The following KCNK2 variants were observed in gnomAD, a reference collection of about 807,000 sequenced individuals.
KCNK2 encodes potassium channel subfamily K member 2.
Under a neutral mutation model 40.5 loss-of-function variants are expected in KCNK2, and 21 were observed. The observed-to-expected ratio is 0.52, with a 90% CI of 0.37 to 0.75. The LOEUF (loss-of-function observed/expected upper bound fraction) is 0.75, where lower values mean the gene tolerates loss of function less well. Among genes scored for constraint, KCNK2 ranks in the 30% least tolerant of loss-of-function variants. The probability of loss-of-function intolerance (pLI) is 0.00; values close to 1 mark genes in which losing one functional copy is unlikely to be tolerated. For synonymous variants in KCNK2, 191 were observed against 202.2 expected, an observed-to-expected ratio of 0.94 and a Z score of 0.47; for missense variants, 399 against 531.6, an observed-to-expected ratio of 0.75 and a Z score of 2.45.
intron 3 of KCNK2, 47 bp downstream of exon 3, chr1:215,124,797 G>A: frequency 9.0e-7 from 1 of 1,111,156 alleles, no homozygotes; most frequent in Non-Finnish European, 1.4e-6. Flanking sequence ...CCGTTTGTGA[G>A]CTAAAATCCA....
chr1:215,034,351 A>AT (rs35287643), intron 1 of KCNK2, among the ~76,000 whole-genome samples: 9,045 of 147,232 alleles, frequency 0.061, 594 homozygotes, highest in African/African-American at 0.17. Context: ...TGTTGTTTTC[A>AT]TTTTTTTTTT....
chr1:215,108,639 G>A (rs1290452080), intron 2 of KCNK2, among the ~76,000 whole-genome samples: 1 of 147,426 alleles, frequency 6.8e-6, no homozygotes, highest in Non-Finnish European at 1.5e-5. Flanking sequence ...AAGTTTTATA[G>A]TTTCAGGCCT....
At chr1:215,181,920 T>C (rs1571703088) in intron 5 of KCNK2, among the ~76,000 whole-genome samples, 1 of 152,290 alleles carries the variant, frequency 6.6e-6, no homozygotes, top group East Asian at 1.9e-4. Flanking sequence ...TGATGGCAGG[T>C]ACAGGCACTA....
At chr1:215,181,875 AG>A (rs1389500163) in intron 5 of KCNK2, among the ~76,000 whole-genome samples, 5 of 152,192 alleles carry the variant, frequency 3.3e-5, no homozygotes, top group Admixed American at 3.3e-4. Context: ...CACGATAGGC[AG>A]GGCTGGGCTT....
At chr1:215,164,223 T>G (rs1172759195) in intron 3 of KCNK2, among the ~76,000 whole-genome samples, 2 of 152,230 alleles carry the variant, frequency 1.3e-5, no homozygotes, top group Non-Finnish European at 2.9e-5. Context: ...GTTTATAGTA[T>G]TCTCTGATGG....
chr1:215,007,063 GTGTGTGTGTATATATATA>G (rs1406489918), intron 1 of KCNK2, among the ~76,000 whole-genome samples: 3 of 127,888 alleles, frequency 2.3e-5, no homozygotes, highest in African/African-American at 3.2e-5. Flanking sequence ...ATATATATGT[GTGTGTGTGTATATATATA>G]TGTGTGTATA....
intron 1 of KCNK2, among the ~76,000 whole-genome samples, chr1:215,017,094 G>A (rs1159074757): frequency 1.3e-5 from 2 of 152,186 alleles, no homozygotes; most frequent in Non-Finnish European, 1.5e-5. Flanking sequence ...AAAATAACAA[G>A]TGTTGGTGAA....
chr1:215,180,006 T>A (rs1024036263), intron 5 of KCNK2, among the ~76,000 whole-genome samples: 2 of 152,108 alleles, frequency 1.3e-5, no homozygotes, highest in African/African-American at 2.4e-5. Flanking sequence ...TTTTCATAGA[T>A]CTGGAAGAGC....
At chr1:215,026,848 A>G (rs1285286500) in intron 1 of KCNK2, among the ~76,000 whole-genome samples, 1 of 152,042 alleles carries the variant, frequency 6.6e-6, no homozygotes, top group Non-Finnish European at 1.5e-5. Flanking sequence ...ACAAACATAT[A>G]CATACGTCCT....
chr1:215,209,339 TAA>T (rs1491204252), intron 6 of KCNK2, among the ~76,000 whole-genome samples: 3 of 91,728 alleles, frequency 3.3e-5, no homozygotes, highest in African/African-American at 8.8e-5. Flanking sequence ...TTTATATATA[TAA>T]TATATATATT....
At chr1:215,168,894 G>T (rs1213276780) in intron 3 of KCNK2, among the ~76,000 whole-genome samples, 1 of 151,988 alleles carries the variant, frequency 6.6e-6, no homozygotes, top group Admixed American at 6.6e-5. Context: ...AATATTTAAT[G>T]AAAATATGAT....
intron 1 of KCNK2, among the ~76,000 whole-genome samples, chr1:215,032,250 A>G (rs908311826): frequency 6.6e-6 from 1 of 151,948 alleles, no homozygotes; most frequent in Non-Finnish European, 1.5e-5. Context: ...TCTACAAAAA[A>G]TGTTTTAAAA....
chr1:215,160,529 T>C (rs1663147208), intron 3 of KCNK2, among the ~76,000 whole-genome samples: 1 of 152,198 alleles, frequency 6.6e-6, no homozygotes, highest in South Asian at 2.1e-4. Flanking sequence ...ACTTCTGACG[T>C]CATTGATACC....
chr1:215,193,699 A>G (rs1664755386), intron 5 of KCNK2, among the ~76,000 whole-genome samples: 2 of 152,202 alleles, frequency 1.3e-5, no homozygotes, highest in South Asian at 4.1e-4. Context: ...CTGTGGAGAT[A>G]GTCAAACACG....
At chr1:215,044,790 A>AGTGTAT in intron 1 of KCNK2, among the ~76,000 whole-genome samples, 1 of 110,336 alleles carries the variant, frequency 9.1e-6, no homozygotes, top group African/African-American at 3.3e-5. Context: ...CTTGGGGATA[A>AGTGTAT]GTGTATGTGT....
intron 2 of KCNK2, among the ~76,000 whole-genome samples, chr1:215,090,250 G>T (rs184991793): frequency 1.3e-5 from 2 of 152,100 alleles, no homozygotes; most frequent in Admixed American, 6.6e-5. Flanking sequence ...TTAAACCACC[G>T]TAATAGGTAG....
At chr1:215,222,504 AGT>A (rs1666221928) in intron 6 of KCNK2, among the ~76,000 whole-genome samples, 1 of 152,164 alleles carries the variant, frequency 6.6e-6, no homozygotes, top group Non-Finnish European at 1.5e-5. Flanking sequence ...TATAAATTTT[AGT>A]GTTATTTTTC....
At chr1:215,124,482 G>A (rs1210085413) in intron 2 of KCNK2, 151 bp from the exon 3 acceptor site, 3 of 621,202 alleles carry the variant, frequency 4.8e-6, no homozygotes, top group Non-Finnish European at 8.8e-6. Context: ...CCAGTATAAA[G>A]TTTTAAGCTA....
chr1:215,231,309 T>C (rs1666655164), intron 6 of KCNK2, among the ~76,000 whole-genome samples: 2 of 152,178 alleles, frequency 1.3e-5, no homozygotes, highest in Admixed American at 6.5e-5. Context: ...TGCTGGGAAT[T>C]CTGAGTCTGA....
Sources: gnomAD v4.1 joint callset for allele counts (sites outside exome capture counted in the v4.1 genomes callset) on GRCh38, gnomAD v4.1.1 for gene constraint, MANE v1.5 for transcripts, NCBI Gene and HGNC (gene_info 2026-07-23, HGNC 2026-07-21) for gene names.